Variants in ALAS2 observed in about 807,000 individuals in gnomAD.
The protein encoded by ALAS2 is 5-aminolevulinate synthase, erythroid-specific, mitochondrial.
ALAS2 carries 3 observed loss-of-function variants against 33.7 expected under a neutral mutation model. That is an observed-to-expected ratio of 0.09 (90% CI 0.04 to 0.23). The LOEUF is 0.23. ALAS2 is among the 10% of genes least tolerant of loss of function. The pLI is 1.00. For missense variants in ALAS2, 304 were observed against 475.1 expected (o/e 0.64, Z 3.35); for synonymous variants, 191 against 177.3 (o/e 1.08, Z -0.61).
chrX:55,026,102 C>T (rs1935889099), intron 1 of ALAS2, 87 bp from the exon 2 acceptor site: 8 of 892,488 alleles, frequency 9.0e-6, no homozygotes, highest in Non-Finnish European at 1.1e-5. Context: ...GCTTCCCACC[C>T]AAAACTTGCT....
chrX:55,029,044 T>A (rs1935944054), intron 1 of ALAS2, among the ~76,000 whole-genome samples: 1 of 112,149 alleles, frequency 8.9e-6, no homozygotes, highest in African/African-American at 3.2e-5. Flanking sequence ...TTTAGCAGAG[T>A]ACCTATCCCA....
rs760438491 is a variant in ALAS2 at position 55,009,322 on chromosome X, G to A, written c.1622C>T (p.Thr541Ile). 2.5e-6 allele frequency: 3 copies of A among 1,203,071 alleles called. No individual in the cohort carries two copies. The highest frequency in any genetic ancestry group is 2.2e-6 in the Non-Finnish European group (2 of 891,255). Residue 541 changes from threonine to isoleucine, a missense_variant, in exon 11 of 11, where the codon ACT becomes ATT. Physicochemically the swap from Thr to Ile is moderately conservative, Grantham distance 89. Coordinates refer to ENST00000650242, the MANE Select transcript of ALAS2 (RefSeq NM_000032.5). ...DFVEKLLLAW[T>I]AVGLPLQDVS... ...ATCCTGGAGGGGCAGCCCCACCGCA[G>A]TCCAAGCCAGCAGCAGCTTCTCTGA...
intron 8 of ALAS2, 91 bp from the exon 9 acceptor site, chrX:55,015,106 C>A (rs1418598042): frequency 1.9e-6 from 2 of 1,030,158 alleles, no homozygotes; most frequent in Non-Finnish European, 2.6e-6. Context: ...GGGGGTGCAC[C>A]AGAAGTTGGG....
chrX:55,025,702 T>C, intron 2 of ALAS2, 118 bp downstream of exon 2: 1 of 775,373 alleles, frequency 1.3e-6, no homozygotes. Context: ...CAGTTCATGC[T>C]ATCTTGACAC....
chrX:55,015,307 G>T (rs975573535), intron 8 of ALAS2, among the ~76,000 whole-genome samples: 4 of 111,356 alleles, frequency 3.6e-5, no homozygotes, highest in Admixed American at 2.9e-4. Context: ...GGGCTAGGGT[G>T]GGGGAGGGGT....
At chrX:55,015,957 C>CTG (rs1360240260) in intron 7 of ALAS2, among the ~76,000 whole-genome samples, 1 of 86,268 alleles carries the variant, frequency 1.2e-5, no homozygotes, top group Non-Finnish European at 2.2e-5. Flanking sequence ...CTCTCTGTCT[C>CTG]TCTGTGTGTG....
intron 10 of ALAS2, among the ~76,000 whole-genome samples, chrX:55,010,231 C>T (rs1440589701): frequency 3.6e-5 from 4 of 111,850 alleles, no homozygotes; most frequent in Non-Finnish European, 7.5e-5. Flanking sequence ...AAGTCTGAGC[C>T]ACCATCATCT....
At chrX:55,017,160 C>T (rs921038085) in intron 7 of ALAS2, among the ~76,000 whole-genome samples, 1 of 112,086 alleles carries the variant, frequency 8.9e-6, no homozygotes, top group Non-Finnish European at 1.9e-5. Flanking sequence ...TGGATGCCAA[C>T]TCTGAACTTT....
rs189947718 is a variant in ALAS2, at chrX:55,027,805, C to T, written c.-15-1790G>A. 4,983 of 1,209,659 alleles carry T rather than the reference C, an allele frequency of 4.1e-3. 17 individuals carry two copies. The highest frequency in any genetic ancestry group is 5.0e-3 in the Non-Finnish European group (4,505 of 894,791). Reference sequence around the variant, plus strand: ...ATCCCAGAGCAACCTCTCCCCCTCTCATGGGCTGTCACAGCAGCCTGGGTT... The same window carrying T: ...ATCCCAGAGCAACCTCTCCCCCTCTTATGGGCTGTCACAGCAGCCTGGGTT... On this transcript the variant is annotated intron_variant, in intron 1 of 10. Transcript: ENST00000650242.
At chrX:55,015,429 A>T in intron 8 of ALAS2, 149 bp downstream of exon 8, 1 of 634,950 alleles carries the variant, frequency 1.6e-6, no homozygotes, top group Non-Finnish European at 2.5e-6. Flanking sequence ...GTGGGATGCG[A>T]GTGGAGAGAG....
intron 10 of ALAS2, 140 bp from the exon 11 acceptor site, chrX:55,009,483 T>A: frequency 1.7e-6 from 1 of 578,808 alleles, no homozygotes; most frequent in African/African-American, 2.3e-5. Context: ...TACTGTTTGC[T>A]TCTGTGTGTG....
At chrX:55,027,747 G>C (rs375181450) in intron 1 of ALAS2, 1 of 1,209,714 alleles carries the variant, frequency 8.3e-7, no homozygotes, top group South Asian at 1.8e-5. Context: ...CACCCTCCCC[G>C]TACCTCACAA....
intron 3 of ALAS2, 29 bp downstream of exon 3, chrX:55,024,689 G>A (rs1241854873): frequency 8.3e-7 from 1 of 1,210,196 alleles, no homozygotes; most frequent in Non-Finnish European, 1.1e-6. Flanking sequence ...TAGGAGTAAA[G>A]GTTGCATAAG....
chrX:55,025,773 C>T, intron 2 of ALAS2, 47 bp downstream of exon 2: 4 of 1,173,190 alleles, frequency 3.4e-6, no homozygotes, highest in Non-Finnish European at 4.6e-6. Flanking sequence ...GGAACTTTTA[C>T]CCCAGGACCC....
At chrX:55,024,129 C>T (rs1935852438) in intron 3 of ALAS2, among the ~76,000 whole-genome samples, 1 of 112,093 alleles carries the variant, frequency 8.9e-6, no homozygotes, top group South Asian at 3.8e-4. Context: ...GTAACTGGAG[C>T]AGCCACCCTG....
At chrX:55,027,709 C>G in intron 1 of ALAS2, 1 of 1,187,938 alleles carries the variant, frequency 8.4e-7, no homozygotes, top group African/African-American at 1.7e-5. Context: ...TCCTTCATCT[C>G]CCTCCCTTCC....
At position 55,023,746 on chromosome X, in the gene ALAS2, A is replaced by G. The variant is rs1935845834; in HGVS notation, c.415+11T>C. 1 of 1,200,047 alleles carries G rather than the reference A, an allele frequency of 8.3e-7. No homozygotes were observed. The highest frequency in any genetic ancestry group is 1.1e-6 in the Non-Finnish European group (1 of 885,913). On this transcript the variant is annotated intron_variant, in intron 4 of 10. Transcript: ENST00000650242. ...TTCCGGTCCCCTTTTTTTCCACCTC[A>G]GCAAACTCACCAGGCATATTGTTCT...
In ALAS2 at chrX:55,023,807, T is replaced by G. The variant is rs1247669262; in HGVS notation, c.365A>C (p.Gln122Pro). The change falls in exon 4 of 11, where the codon CAG becomes CCG. Residue 122 changes from glutamine (Q) to proline (P), a missense_variant. Coordinates refer to ENST00000650242, the MANE Select transcript of ALAS2 (RefSeq NM_000032.5). ...TGTGACCTTCCCAGAGATCTGCTCCTGCTCCTGGGGACCGGAAAATGGCTT... is the reference window on the plus strand; with the variant it reads ...TGTGACCTTCCCAGAGATCTGCTCCGGCTCCTGGGGACCGGAAAATGGCTT... The part of the protein sequence containing the change: ...LRKPFSGPQE[Q>P]EQISGKVTHL... The G allele has an allele frequency of 8.3e-7, 1 of 1,211,416 alleles. No homozygotes were observed.
intron 5 of ALAS2, among the ~76,000 whole-genome samples, chrX:55,020,796 G>A (rs1253577467): frequency 1.8e-5 from 2 of 111,765 alleles, no homozygotes; most frequent in African/African-American, 6.5e-5. Flanking sequence ...TCTGCAGCTA[G>A]ATTAAAAACT....
Sources: gnomAD v4.1 joint callset for allele counts (sites outside exome capture counted in the v4.1 genomes callset) on GRCh38, gnomAD v4.1.1 for gene constraint, MANE v1.5 for transcripts, NCBI Gene and HGNC (gene_info 2026-07-23, HGNC 2026-07-21) for gene names.